EIF3H: variants seen among roughly 807,000 people sequenced by gnomAD.
EIF3H encodes the protein eukaryotic translation initiation factor 3 subunit H.
Under a neutral mutation model 44.2 loss-of-function variants are expected in EIF3H, and 26 were observed. The ratio of observed to expected loss-of-function variants is 0.59; its 90% confidence interval spans 0.43 to 0.82. The LOEUF is 0.82. EIF3H is among the 40% of genes least tolerant of loss of function. The probability of loss-of-function intolerance (pLI) is 0.00; values close to 1 mark genes in which losing one functional copy is unlikely to be tolerated. For missense variants in EIF3H, 359 were observed against 432.8 expected (o/e 0.83, Z 1.51); for synonymous variants, 166 against 151.9 (o/e 1.09, Z -0.68).
chr8:116,734,243 A>C (rs996756988), intron 1 of EIF3H: 4 of 453,998 alleles, frequency 8.8e-6, no homozygotes, highest in Non-Finnish European at 1.8e-5. Flanking sequence ...GAAAAGGGGA[A>C]ATGTAACAAG....
At chr8:116,721,237 TTTCAGAGGGCGCA>T (rs1814740744) in intron 2 of EIF3H, among the ~76,000 whole-genome samples, 1 of 152,106 alleles carries the variant, frequency 6.6e-6, no homozygotes, top group Non-Finnish European at 1.5e-5. Context: ...TGGGCTGTGG[TTTCAGAGGGCGCA>T]AGTCCCAAGC....
At chr8:116,755,829 T>G (rs764193322), upstream of EIF3H, 8 of 1,609,270 alleles carry the variant, frequency 5.0e-6, no homozygotes, top group African/African-American at 6.7e-5. Context: ...AAGAGAAACG[T>G]GAGTTACCGG....
At chr8:116,755,065 C>G (rs1815416958) in intron 1 of EIF3H, among the ~76,000 whole-genome samples, 1 of 152,202 alleles carries the variant, frequency 6.6e-6, no homozygotes, top group Non-Finnish European at 1.5e-5. Flanking sequence ...ATTTCCTTAT[C>G]AAGAATTTCC....
intron 2 of EIF3H, among the ~76,000 whole-genome samples, chr8:116,670,752 TAG>T (rs1813739520): frequency 6.6e-5 from 10 of 152,230 alleles, no homozygotes; most frequent in Non-Finnish European, 1.3e-4. Flanking sequence ...AAATGTACCT[TAG>T]ATATAAATAG....
At chr8:116,756,348 TGCTATTA>T (rs1815449648), upstream of EIF3H, among the ~76,000 whole-genome samples, 2 of 152,238 alleles carry the variant, frequency 1.3e-5, no homozygotes, top group African/African-American at 4.8e-5. Flanking sequence ...AGTAGCCTTT[TGCTATTA>T]GCTTCATGTA....
intron 5 of EIF3H, 116 bp downstream of exon 5, chr8:116,655,739 AG>A (rs1261789928): frequency 2.3e-5 from 26 of 1,111,276 alleles, no homozygotes; most frequent in Non-Finnish European, 3.3e-5. Flanking sequence ...ACATGTTTTA[AG>A]AACCTATAAA....
chr8:116,725,942 A>T, intron 2 of EIF3H, 74 bp downstream of exon 2: 1 of 1,471,174 alleles, frequency 6.8e-7, no homozygotes, highest in South Asian at 1.5e-5. Flanking sequence ...CACATTATCA[A>T]AAGTTATGGT....
chr8:116,732,668 C>T (rs887264315), intron 1 of EIF3H, among the ~76,000 whole-genome samples: 75 of 152,102 alleles, frequency 4.9e-4, no homozygotes, highest in Non-Finnish European at 7.1e-4. Context: ...TTCATTCATT[C>T]ATTCATTCAT....
chr8:116,762,880 G>C (rs1446309886), intron 1 of EIF3H, among the ~76,000 whole-genome samples: 3 of 152,188 alleles, frequency 2.0e-5, no homozygotes, highest in Admixed American at 1.3e-4. Context: ...GGAGGTGGAG[G>C]CTGCAGTGAG....
At chr8:116,708,383 A>C (rs1458384386) in intron 2 of EIF3H, among the ~76,000 whole-genome samples, 1 of 152,046 alleles carries the variant, frequency 6.6e-6, no homozygotes, top group East Asian at 1.9e-4. Flanking sequence ...CCCTTTACTA[A>C]TCAAAATGAA....
intron 2 of EIF3H, among the ~76,000 whole-genome samples, chr8:116,719,478 G>T (rs1032964864): frequency 2.6e-5 from 4 of 152,072 alleles, no homozygotes; most frequent in Non-Finnish European, 5.9e-5. Flanking sequence ...AATGTAATAT[G>T]GGAAAATGTT....
At position 116,755,762 on chromosome 8, in the gene EIF3H, G is replaced by A; in HGVS notation, c.36C>T (p.Ala12=). Residue 12 remains alanine, a synonymous_variant, in exon 1 of 8, where the codon GCC becomes GCT. Transcript: ENST00000521861. The part of the protein sequence containing the change: ...ASRKEGTGST[A]TSSSSTAGAA... ...CGCCGGCGGTGGAGCTGGAAGAGGT[G>A]GCAGTAGAGCCGGTACCTTCCTTGC... The A allele has an allele frequency of 1.9e-6, 3 of 1,614,102 alleles. No homozygotes were observed. The highest frequency in any genetic ancestry group is 1.1e-5 in the South Asian group (1 of 91,082).
chr8:116,702,925 C>T (rs1814403717), intron 2 of EIF3H, among the ~76,000 whole-genome samples: 1 of 152,070 alleles, frequency 6.6e-6, no homozygotes, highest in East Asian at 1.9e-4. Context: ...AACTGTTCCA[C>T]CTCAGATCAT....
At chr8:116,712,767 T>C (rs966927214) in intron 2 of EIF3H, among the ~76,000 whole-genome samples, 2 of 152,194 alleles carry the variant, frequency 1.3e-5, no homozygotes, top group Admixed American at 6.5e-5. Context: ...CAGAACACTT[T>C]ACTGGCATAA....
intron 2 of EIF3H, chr8:116,697,143 T>G: frequency 2.2e-6 from 1 of 456,264 alleles, no homozygotes. Flanking sequence ...AACCAAATTC[T>G]GCTTCCCTTC....
chr8:116,739,388 C>T (rs543430783), intron 1 of EIF3H, among the ~76,000 whole-genome samples: 5 of 152,356 alleles, frequency 3.3e-5, no homozygotes, highest in South Asian at 2.1e-4. Context: ...CCATGGCTCA[C>T]GCCTGTAATC....
intron 2 of EIF3H, among the ~76,000 whole-genome samples, chr8:116,691,506 A>G (rs1349621687): frequency 6.6e-6 from 1 of 152,042 alleles, no homozygotes; most frequent in Non-Finnish European, 1.5e-5. Flanking sequence ...TTCTTCAGTC[A>G]TCTAAATTTT....
intron 2 of EIF3H, among the ~76,000 whole-genome samples, chr8:116,720,037 T>G (rs1814719608): frequency 6.6e-6 from 1 of 152,168 alleles, no homozygotes; most frequent in Non-Finnish European, 1.5e-5. Flanking sequence ...TGATAAGTTA[T>G]TTATGTCACT....
chr8:116,749,627 T>C (rs1278760041), intron 1 of EIF3H, among the ~76,000 whole-genome samples: 2 of 152,222 alleles, frequency 1.3e-5, no homozygotes, highest in African/African-American at 4.8e-5. Flanking sequence ...GACCCATTCT[T>C]TCTTTATTTT....
Sources: allele counts gnomAD v4.1 joint callset (sites outside exome capture counted in the v4.1 genomes callset), GRCh38; gene constraint gnomAD v4.1.1; transcripts MANE v1.5; gene names NCBI Gene and HGNC (gene_info 2026-07-23, HGNC 2026-07-21).